Variants in OPCML observed in about 807,000 individuals in gnomAD.
OPCML encodes the protein opioid binding protein/cell adhesion molecule like.
A neutral mutation model predicts 37.8 loss-of-function variants in OPCML; 13 were observed. That is an observed-to-expected ratio of 0.34 (90% CI 0.22 to 0.55). The LOEUF (loss-of-function observed/expected upper bound fraction) is 0.55, where lower values mean the gene tolerates loss of function less well. Among genes scored for constraint, OPCML ranks in the 20% least tolerant of loss-of-function variants. The pLI, the probability that OPCML is intolerant of heterozygous loss-of-function variation, is 0.91. For synonymous variants in OPCML, 176 were observed against 168.8 expected, an observed-to-expected ratio of 1.04 and a Z score of -0.33; for missense variants, 341 against 435.6, an observed-to-expected ratio of 0.78 and a Z score of 1.93.
intron 4 of OPCML, among the ~76,000 whole-genome samples, chr11:132,463,142 A>T (rs1028875134): frequency 2.5e-4 from 38 of 152,186 alleles, no homozygotes; most frequent in Non-Finnish European, 1.0e-4. Context: ...CTGTAAATAC[A>T]ATCTTCCAGT....
chr11:133,412,470 G>A (rs185851180), intron 1 of OPCML, among the ~76,000 whole-genome samples: 26 of 152,338 alleles, frequency 1.7e-4, no homozygotes, highest in African/African-American at 5.3e-4. Context: ...AGAGGTGGAT[G>A]CAGATGGATA....
rs1389448867 is a variant in OPCML, at chr11:132,436,786, G to A, written c.644-7C>T. 5 of 1,613,678 alleles carry A rather than the reference G, an allele frequency of 3.1e-6. No homozygotes were observed. The highest frequency in any genetic ancestry group is 1.7e-5 in the Admixed American group (1 of 59,988). ...TTTGAGATATAGGGAGGATCTGTGG[G>A]AAACACACACACACACATGCACAGG... On this transcript the variant is annotated splice_region_variant and splice_polypyrimidine_tract_variant and intron_variant, in intron 5 of 7. Transcript: ENST00000524381.
chr11:133,061,207 G>C (rs1250116235), intron 1 of OPCML, among the ~76,000 whole-genome samples: 1 of 152,186 alleles, frequency 6.6e-6, no homozygotes, highest in Non-Finnish European at 1.5e-5. Flanking sequence ...TTGGTTGACT[G>C]CAAGAAGATA....
At chr11:133,525,983 C>T (rs1948482620) in intron 1 of OPCML, among the ~76,000 whole-genome samples, 1 of 152,212 alleles carries the variant, frequency 6.6e-6, no homozygotes, top group Non-Finnish European at 1.5e-5. Flanking sequence ...TTACCCAGCA[C>T]ATTGCCCAGG....
chr11:132,833,412 G>C (rs11223235), intron 2 of OPCML, among the ~76,000 whole-genome samples: 34,421 of 152,052 alleles, frequency 0.23, 4,821 homozygotes, highest in Non-Finnish European at 0.33. Context: ...GCAATAACAC[G>C]CATGGAGCTG....
rs995702901 is a variant in OPCML, at chr11:133,230,275, G to C, written c.62-287265C>G. Among the ~76,000 whole-genome samples, 4 of 152,198 alleles carry C rather than the reference G, an allele frequency of 2.6e-5. No homozygotes were observed. The East Asian group carries it at 7.7e-4, about 29-fold the overall frequency. On this transcript the variant is annotated intron_variant, in intron 1 of 7. Coordinates refer to ENST00000524381, the MANE Select transcript of OPCML (RefSeq NM_001012393.5). ...ATCTTGGCTCATGGTGTCATGAAGCGTGGTGATGCTGGTGGGGCTCATGGG... is the reference window on the plus strand; with the variant it reads ...ATCTTGGCTCATGGTGTCATGAAGCCTGGTGATGCTGGTGGGGCTCATGGG...
chr11:133,500,780 A>G (rs1947893946), intron 1 of OPCML, among the ~76,000 whole-genome samples: 2 of 152,240 alleles, frequency 1.3e-5, no homozygotes, highest in Non-Finnish European at 2.9e-5. Flanking sequence ...GATAGCACCA[A>G]TTACTGAGGT....
intron 1 of OPCML, among the ~76,000 whole-genome samples, chr11:133,071,044 C>G (rs1489963558): frequency 1.3e-5 from 2 of 152,198 alleles, no homozygotes; most frequent in African/African-American, 4.8e-5. Context: ...GATCTCCCTG[C>G]AGGGTACGTT....
At chr11:133,140,924 ACGACGAC>A (rs1949792038) in intron 1 of OPCML, among the ~76,000 whole-genome samples, 1 of 16,012 alleles carries the variant, frequency 6.2e-5, no homozygotes, top group African/African-American at 9.8e-5. Context: ...GAAGAAGACG[ACGACGAC>A]GAAGAAGAAG....
At chr11:133,444,342 A>G (rs1211121711) in intron 1 of OPCML, among the ~76,000 whole-genome samples, 1 of 152,224 alleles carries the variant, frequency 6.6e-6, no homozygotes, top group African/African-American at 2.4e-5. Flanking sequence ...TAATTTTCAA[A>G]ACCTTAAACA....
intron 1 of OPCML, among the ~76,000 whole-genome samples, chr11:133,481,901 C>A (rs897650961): frequency 6.6e-6 from 1 of 152,116 alleles, no homozygotes; most frequent in African/African-American, 2.4e-5. Context: ...ATGGACCGAC[C>A]TAAAGGTCTG....
chr11:133,439,557 T>C (rs1348015485), intron 1 of OPCML, among the ~76,000 whole-genome samples: 1 of 152,098 alleles, frequency 6.6e-6, no homozygotes, highest in East Asian at 1.9e-4. Context: ...AAGCTCCGCC[T>C]CCCAGGTTCA....
chr11:132,632,990 T>C (rs1940250677), intron 3 of OPCML, among the ~76,000 whole-genome samples: 1 of 150,610 alleles, frequency 6.6e-6, no homozygotes, highest in African/African-American at 2.4e-5. Flanking sequence ...ATTTATTCCC[T>C]GAGTGCCTCA....
At chr11:133,398,134 C>A (rs1313826911) in intron 1 of OPCML, among the ~76,000 whole-genome samples, 1 of 152,150 alleles carries the variant, frequency 6.6e-6, no homozygotes, top group African/African-American at 2.4e-5. Context: ...CCTGGGGGAT[C>A]GAACCTTGCA....
chr11:132,874,247 G>C (rs1190166897), intron 2 of OPCML, among the ~76,000 whole-genome samples: 1 of 152,074 alleles, frequency 6.6e-6, no homozygotes, highest in East Asian at 1.9e-4. Flanking sequence ...TAAACTATCA[G>C]AGCCTGGCTC....
chr11:132,801,541 ATTTC>A (rs2136203542), intron 2 of OPCML, among the ~76,000 whole-genome samples: 1 of 152,324 alleles, frequency 6.6e-6, no homozygotes, highest in South Asian at 2.1e-4. Flanking sequence ...TAAGTCATCT[ATTTC>A]TTTCTATAAT....
intron 4 of OPCML, among the ~76,000 whole-genome samples, chr11:132,473,889 G>C (rs1003714166): frequency 6.6e-6 from 1 of 152,134 alleles, no homozygotes; most frequent in African/African-American, 2.4e-5. Context: ...AAAAGTCATG[G>C]CACAGATGAA....
chr11:133,127,756 AAT>A (rs1949539405), intron 1 of OPCML, among the ~76,000 whole-genome samples: 1 of 152,100 alleles, frequency 6.6e-6, no homozygotes, highest in African/African-American at 2.4e-5. Context: ...TTTATCATCT[AAT>A]TAAGAAGAAA....
At chr11:133,448,301 C>A (rs541058374) in intron 1 of OPCML, among the ~76,000 whole-genome samples, 3 of 152,162 alleles carry the variant, frequency 2.0e-5, no homozygotes, top group South Asian at 4.1e-4. Context: ...TATCCTTTAC[C>A]CATTAAATTG....
Sources: allele counts gnomAD v4.1 joint callset (sites outside exome capture counted in the v4.1 genomes callset), GRCh38; gene constraint gnomAD v4.1.1; transcripts MANE v1.5; gene names NCBI Gene and HGNC (gene_info 2026-07-23, HGNC 2026-07-21).